NRXN3: variants seen among roughly 807,000 people sequenced by gnomAD.
The protein encoded by NRXN3 is neurexin 3.
Under a neutral mutation model 137.6 loss-of-function variants are expected in NRXN3, and 32 were observed. That is an observed-to-expected ratio of 0.23 (90% CI 0.18 to 0.31). The LOEUF is 0.31. NRXN3 is among the 10% of genes least tolerant of loss of function. The pLI, the probability that NRXN3 is intolerant of heterozygous loss-of-function variation, is 1.00. For missense variants in NRXN3, 1,574 were observed against 2,062.5 expected (o/e 0.76, Z 4.59); for synonymous variants, 798 against 784.5 (o/e 1.02, Z -0.29).
Position 79,698,887 on chromosome 14 carries a change from G to A in NRXN3, c.4014+950G>A, listed in dbSNP as rs140902507. On this transcript the variant is annotated intron_variant, in intron 19 of 20. Coordinates refer to ENST00000335750, the MANE Select transcript of NRXN3 (RefSeq NM_001330195.2). ...CATCACCTTTACACTGACTCCAATG[G>A]ACGTGGTTAACTTAAAGTCAATAAT... Among the ~76,000 whole-genome samples, 1,459 of 152,064 alleles carry A rather than the reference G, an allele frequency of 9.6e-3. 15 individuals carry two copies. The highest frequency in any genetic ancestry group is 0.017 in the Middle Eastern group (5 of 294).
intron 4 of NRXN3, among the ~76,000 whole-genome samples, chr14:78,417,145 A>G (rs1021859115): frequency 2.0e-5 from 3 of 152,140 alleles, no homozygotes; most frequent in East Asian, 3.9e-4. Context: ...TGGCTTCCCA[A>G]TGCCTGTGGG....
chr14:79,293,749 G>A (rs1000475447), intron 15 of NRXN3, among the ~76,000 whole-genome samples: 1 of 152,222 alleles, frequency 6.6e-6, no homozygotes, highest in African/African-American at 2.4e-5. Context: ...CTCCCACTCC[G>A]TGTCAGGCAT....
chr14:79,454,281 A>G (rs1430368911), intron 15 of NRXN3, among the ~76,000 whole-genome samples: 1 of 151,954 alleles, frequency 6.6e-6, no homozygotes, highest in Non-Finnish European at 1.5e-5. Flanking sequence ...ACGGGGTTTC[A>G]CCATGTTGGC....
chr14:79,594,328 G>A lies in NRXN3; in HGVS notation c.3445-69450G>A, dbSNP rs575150014. Reference sequence around the variant, plus strand: ...TGTTAGAATTACACATCTTTCCCCTGCTCTGATAAAAAATATCCTGCCATA... The same window carrying A: ...TGTTAGAATTACACATCTTTCCCCTACTCTGATAAAAAATATCCTGCCATA... On this transcript the variant is annotated intron_variant, in intron 16 of 20. Coordinates refer to ENST00000335750, the MANE Select transcript of NRXN3 (RefSeq NM_001330195.2). 4.6e-5 allele frequency among the ~76,000 whole-genome samples: 7 copies of A among 152,190 alleles called. No individual in the cohort carries two copies. The South Asian group carries it at 8.3e-4, about 18-fold the overall frequency.
chr14:78,794,374 A>G (rs936144820), intron 8 of NRXN3, among the ~76,000 whole-genome samples: 2 of 152,212 alleles, frequency 1.3e-5, no homozygotes, highest in Non-Finnish European at 2.9e-5. Context: ...AGAGCGACAG[A>G]GCAAGACTCT....
At chr14:79,622,588 A>T (rs1020104907) in intron 16 of NRXN3, among the ~76,000 whole-genome samples, 4 of 151,916 alleles carry the variant, frequency 2.6e-5, no homozygotes, top group African/African-American at 9.7e-5. Context: ...TAGTTTATTT[A>T]GTTTATTTTT....
intron 15 of NRXN3, among the ~76,000 whole-genome samples, chr14:79,237,541 G>A (rs2073605299): frequency 6.6e-6 from 1 of 152,090 alleles, no homozygotes. Flanking sequence ...CCTAGTAAGA[G>A]GAATGCTTTG....
chr14:78,871,863 G>A (rs1460147633), intron 10 of NRXN3, among the ~76,000 whole-genome samples: 1 of 151,974 alleles, frequency 6.6e-6, no homozygotes, highest in Non-Finnish European at 1.5e-5. Flanking sequence ...GTATTGCCCT[G>A]GTTATATATT....
chr14:79,853,548 C>A (rs758961045), intron 20 of NRXN3: 1 of 1,350,170 alleles, frequency 7.4e-7, no homozygotes, highest in East Asian at 4.6e-5. Flanking sequence ...GCCAGAAGCT[C>A]TAATGCAGCT....
intron 16 of NRXN3, among the ~76,000 whole-genome samples, chr14:79,583,175 C>T (rs1448550948): frequency 6.6e-6 from 1 of 152,176 alleles, no homozygotes; most frequent in Non-Finnish European, 1.5e-5. Context: ...AAAGAGGGCT[C>T]TGTGGATAGA....
chr14:79,631,228 T>C (rs78986534), intron 16 of NRXN3, among the ~76,000 whole-genome samples: 5 of 152,344 alleles, frequency 3.3e-5, no homozygotes, highest in Non-Finnish European at 5.9e-5. Context: ...TTATAGTCAA[T>C]TGCCAACAGC....
intron 9 of NRXN3, among the ~76,000 whole-genome samples, chr14:78,806,810 T>G (rs942531427): frequency 6.6e-6 from 1 of 152,240 alleles, no homozygotes. Flanking sequence ...TATTACAGCA[T>G]ATTTAAAGAT....
At chr14:78,977,277 G>T (rs965405333) in intron 14 of NRXN3, among the ~76,000 whole-genome samples, 2 of 152,130 alleles carry the variant, frequency 1.3e-5, no homozygotes, top group African/African-American at 4.8e-5. Context: ...CTGACTTTAT[G>T]GTAGATGGTT....
intron 4 of NRXN3, among the ~76,000 whole-genome samples, chr14:78,634,678 G>A (rs1276636952): frequency 6.6e-6 from 1 of 152,136 alleles, no homozygotes; most frequent in Admixed American, 6.5e-5. Context: ...ACTTAGTCAT[G>A]TTCGAATACC....
At chr14:79,559,786 A>G (rs1035651628) in intron 16 of NRXN3, among the ~76,000 whole-genome samples, 1 of 152,212 alleles carries the variant, frequency 6.6e-6, no homozygotes, top group Admixed American at 6.5e-5. Flanking sequence ...TTGTAGTTTT[A>G]AAGTTTTGTA....
intron 16 of NRXN3, among the ~76,000 whole-genome samples, chr14:79,549,891 A>G (rs936554494): frequency 1.6e-4 from 25 of 152,232 alleles, no homozygotes; most frequent in South Asian, 1.2e-3. Flanking sequence ...GATTTGGGAA[A>G]GTTCAACAGC....
At chr14:79,614,539 C>T (rs1205298266) in intron 16 of NRXN3, among the ~76,000 whole-genome samples, 1 of 152,068 alleles carries the variant, frequency 6.6e-6, no homozygotes, top group Non-Finnish European at 1.5e-5. Context: ...CCTTCCTTCC[C>T]TCTTCTACTC....
At chr14:79,258,446 C>G (rs1422453063) in intron 15 of NRXN3, among the ~76,000 whole-genome samples, 2 of 152,094 alleles carry the variant, frequency 1.3e-5, no homozygotes, top group African/African-American at 4.8e-5. Context: ...CTCAAGTTAT[C>G]TGCCCATCTC....
intron 15 of NRXN3, among the ~76,000 whole-genome samples, chr14:79,376,029 T>C (rs2094264950): frequency 6.9e-6 from 1 of 144,736 alleles, no homozygotes; most frequent in African/African-American, 2.5e-5. Context: ...TATGTATATA[T>C]ACTTATATAT....
Sources: gnomAD v4.1 joint callset for allele counts (sites outside exome capture counted in the v4.1 genomes callset) on GRCh38, gnomAD v4.1.1 for gene constraint, MANE v1.5 for transcripts, NCBI Gene and HGNC (gene_info 2026-07-23, HGNC 2026-07-21) for gene names.